The following TTC21A variants were observed in gnomAD, a reference collection of about 807,000 sequenced individuals.
TTC21A encodes the protein tetratricopeptide repeat protein 21A.
In TTC21A, 128 loss-of-function variants were observed where a neutral mutation model predicts 156.4. The ratio of observed to expected loss-of-function variants is 0.82; its 90% CI spans 0.71 to 0.95. The LOEUF is 0.95. Among genes scored for constraint, TTC21A ranks in the 40% least tolerant of loss-of-function variants. The pLI is 0.00. For synonymous variants in TTC21A, 587 were observed against 617.1 expected, an observed-to-expected ratio of 0.95 and a Z score of 0.72; for missense variants, 1,435 against 1,602.3, an observed-to-expected ratio of 0.90 and a Z score of 1.78.
At chr3:39,129,448 C>T (rs2038553424) in intron 15 of TTC21A, 138 bp downstream of exon 15, 2 of 732,090 alleles carry the variant, frequency 2.7e-6, no homozygotes, top group Admixed American at 4.2e-5. Flanking sequence ...TGGAATTGTC[C>T]ATGGGTTACA....
Position 39,128,717 on chromosome 3 carries a change from G to T in TTC21A, c.1681G>T (p.Val561Phe). The T allele has an allele frequency of 6.2e-7, 1 of 1,613,916 alleles. No homozygotes were observed. Among genetic ancestry groups the T allele is most frequent in the Non-Finnish European group, 8.5e-7 (1 of 1,179,950 alleles). ...LELGVSHNFQVRDHPLYHLIK... is the reference protein window; with the variant it reads ...LELGVSHNFQFRDHPLYHLIK... ...CCACACTCTGCTGTGCTCCTCCTAG[G>T]TCCGAGATCACCCCCTCTACCACCT... Residue 561 changes from valine (V) to phenylalanine (F), a missense_variant and splice_region_variant, in exon 14 of 29, where the codon GTC (valine) becomes TTC (phenylalanine). Val to Phe is a conservative substitution (Grantham distance 50). Transcript: ENST00000683103.
intron 6 of TTC21A, among the ~76,000 whole-genome samples, chr3:39,115,052 A>T (rs909300485): frequency 2.6e-5 from 4 of 152,262 alleles, no homozygotes; most frequent in African/African-American, 9.6e-5. Flanking sequence ...ACAGGGTAGA[A>T]AGCAGTTGCT....
Position 39,130,171 on chromosome 3 carries a change from G to T in TTC21A, c.2208+20G>T, listed in dbSNP as rs765072418. ...CTGGAGGTAAGTGAGAGGCCTCACA[G>T]CCTTGCCAAGTGGCCCCCCAGTCTC... On this transcript the variant is annotated intron_variant, in intron 16 of 28. Transcript: ENST00000683103. This position sits in a 1 kb window ranked among gnomAD's most constrained non-coding sequence, Gnocchi z 4.5. 2 of 1,613,308 alleles carry T rather than the reference G, an allele frequency of 1.2e-6. No homozygotes were observed. The highest frequency in any genetic ancestry group is 8.5e-7 in the Non-Finnish European group (1 of 1,179,614).
chr3:39,137,120 CTGGGT>C (rs1341005037), intron 24 of TTC21A, 60 bp downstream of exon 24: 2 of 1,601,842 alleles, frequency 1.2e-6, no homozygotes, highest in Admixed American at 1.7e-5. Flanking sequence ...CCTGCAACCT[CTGGGT>C]TGAAGCCAGG....
chr3:39,114,516 A>C (rs1301483888), intron 5 of TTC21A, 69 bp from the exon 6 acceptor site: 1 of 1,498,420 alleles, frequency 6.7e-7, no homozygotes, highest in African/African-American at 1.4e-5. Context: ...CACAGAGACA[A>C]CCCCCCTCCA....
chr3:39,126,173 C>T, intron 11 of TTC21A, 88 bp from the exon 12 acceptor site: 1 of 1,536,564 alleles, frequency 6.5e-7, no homozygotes, highest in Non-Finnish European at 8.9e-7. Context: ...AGCAAAATTC[C>T]TTCACTGAGA....
chr3:39,117,122 A>G (rs1052581046), intron 6 of TTC21A, among the ~76,000 whole-genome samples: 2 of 152,202 alleles, frequency 1.3e-5, no homozygotes, highest in Non-Finnish European at 2.9e-5. Flanking sequence ...CAGTCTACAC[A>G]TTTGGATATG....
At chr3:39,132,599 T>G (rs1382566018) in intron 19 of TTC21A, 2 of 175,876 alleles carry the variant, frequency 1.1e-5, no homozygotes, top group African/African-American at 4.8e-5. Flanking sequence ...CATCATCATT[T>G]CCTCTTGCCC....
At chr3:39,137,734 G>C (rs769752406) in intron 26 of TTC21A, 24 bp downstream of exon 26, 12 of 1,595,066 alleles carry the variant, frequency 7.5e-6, no homozygotes, top group Non-Finnish European at 1.0e-5. Flanking sequence ...CACACACTAG[G>C]GCTGCGGGAT....
intron 12 of TTC21A, among the ~76,000 whole-genome samples, chr3:39,128,047 G>T (rs1524875): frequency 0.035 from 5,300 of 152,262 alleles, 187 homozygotes; most frequent in East Asian, 0.16. Flanking sequence ...TGAGCTTCTG[G>T]ATGGAGCTGT....
intron 4 of TTC21A, among the ~76,000 whole-genome samples, chr3:39,111,977 T>C (rs950956625): frequency 6.6e-5 from 10 of 152,166 alleles, no homozygotes; most frequent in Non-Finnish European, 1.5e-4. Flanking sequence ...GAACGGCTCC[T>C]GCTCACCCAC....
At position 39,136,983 on chromosome 3, in the gene TTC21A, C is replaced by T. The variant is rs1420466344; in HGVS notation, c.3180C>T (p.His1060=). ...DSTWGQSAIY[H]MVQICLNPDN... ...CTTGGGGCCAGAGCGCCATCTACCA[C>T]ATGGTGCAGATCTGTCTGAATCCAG... Residue 1060 remains histidine, a synonymous_variant, in exon 24 of 29, where the codon CAC becomes CAT. Coordinates refer to ENST00000683103, the MANE Select transcript of TTC21A (RefSeq NM_001366900.1). The T allele has an allele frequency of 1.2e-6, 2 of 1,614,196 alleles. No individual in the cohort carries two copies. The highest frequency in any genetic ancestry group is 1.7e-5 in the Admixed American group (1 of 60,032).
chr3:39,137,048 G>A lies in TTC21A; in HGVS notation c.3245G>A (p.Gly1082Glu). The A allele has an allele frequency of 6.2e-7, 1 of 1,612,274 alleles. No homozygotes were observed. Among genetic ancestry groups the A allele is most frequent in the Non-Finnish European group, 8.5e-7 (1 of 1,179,466 alleles). ...VVGGEAFENQ[G>E]AESNYMEKKE... ...GGCGGAGAGGCTTTTGAGAACCAGG[G>A]AGCTGAGAGCAAGTAAGGGCCCATG... Residue 1082 changes from glycine to glutamate, a missense_variant, in exon 24 of 29, where the codon GGA becomes GAA. Transcript: ENST00000683103.
At chr3:39,119,894 G>A (rs1354653738) in intron 7 of TTC21A, 28 bp from the exon 8 acceptor site, 1 of 1,509,970 alleles carries the variant, frequency 6.6e-7, no homozygotes, top group Admixed American at 1.7e-5. Flanking sequence ...CACCTTGCAT[G>A]TTGACATTCT....
In TTC21A at chr3:39,128,951, T is replaced by C. The variant is rs563504063; in HGVS notation, c.1896+19T>C. The C allele has an allele frequency of 6.2e-7, 1 of 1,613,688 alleles. No individual in the cohort carries two copies. The highest frequency in any genetic ancestry group is 2.2e-5 in the East Asian group (1 of 44,870). On this transcript the variant is annotated intron_variant, in intron 14 of 28. Transcript: ENST00000683103. ...GGAGCTAGTAAGAAATGCCGTGCTC[T>C]CTTCCCTGGGGACTGGGGCACACTG...
intron 4 of TTC21A, 47 bp from the exon 5 acceptor site, chr3:39,112,411 T>A (rs1299888585): frequency 6.2e-7 from 1 of 1,604,570 alleles, no homozygotes; most frequent in African/African-American, 1.3e-5. Context: ...CTGAGTTGAT[T>A]CTGTGCAGGA....
rs2038926198 is a variant in TTC21A at position 39,134,020 on chromosome 3, G to A, written c.2752-198G>A. Among the ~76,000 whole-genome samples, 1 of 152,168 alleles carries A rather than the reference G, an allele frequency of 6.6e-6. No homozygotes were observed. The highest frequency in any genetic ancestry group is 2.4e-5 in the African/African-American group (1 of 41,408). ...GTGTTAGCTTGGCCCAACTTTCAGA[G>A]GTTAGTAAGACACAGGGTATGACTG... On this transcript the variant is annotated intron_variant, in intron 20 of 28. Coordinates refer to ENST00000683103, the MANE Select transcript of TTC21A (RefSeq NM_001366900.1). The surrounding 1 kb of genome is among the most constrained non-coding windows in gnomAD (Gnocchi z 4.6).
chr3:39,108,014 G>A (rs2036379919), intron 1 of TTC21A, 150 bp downstream of exon 1: 2 of 925,032 alleles, frequency 2.2e-6, no homozygotes, highest in Non-Finnish European at 3.2e-6. Context: ...CCCCTGGCAA[G>A]GGCGTCTTCT....
rs1435123748 is a variant in TTC21A, at chr3:39,110,885, G to A, written c.303G>A (p.Leu101=). The change falls in exon 4 of 29, where the codon CTG becomes CTA. Residue 101 remains leucine (L), a synonymous_variant. Coordinates refer to ENST00000683103, the MANE Select transcript of TTC21A (RefSeq NM_001366900.1). ...REAIQELEYS[L]KEIRKTVSGT... ...CAATTCAGGAGCTTGAGTACAGCCT[G>A]AAGGAAATACGCAAGACAGTCAGTG... 6 of 1,614,038 alleles carry A rather than the reference G, an allele frequency of 3.7e-6. No homozygotes were observed. The Admixed American group carries it at 8.3e-5, about 22-fold the overall frequency.
Sources: gnomAD v4.1 joint callset for allele counts (sites outside exome capture counted in the v4.1 genomes callset) on GRCh38, gnomAD v4.1.1 for gene constraint, Gnocchi (gnomAD v3.1) non-coding constraint, MANE v1.5 for transcripts, NCBI Gene and HGNC (gene_info 2026-07-23, HGNC 2026-07-21) for gene names.